The following EFCAB13 variants were observed in gnomAD, a reference collection of about 807,000 sequenced individuals.
The protein encoded by EFCAB13 is EF-hand calcium binding domain 13, also known as EF-hand calcium-binding domain-containing protein 13.
Under a neutral mutation model 110.2 loss-of-function variants are expected in EFCAB13, and 91 were observed. That is an observed-to-expected ratio of 0.83 (90% CI 0.70 to 0.98). EFCAB13 has a LOEUF of 0.98. EFCAB13 is among the 50% of genes least tolerant of loss of function. The probability of loss-of-function intolerance (pLI) is 0.00; values close to 1 mark genes in which losing one functional copy is unlikely to be tolerated. For missense variants in EFCAB13, 968 were observed against 1,119.4 expected, an observed-to-expected ratio of 0.86 and a Z score of 1.93; for synonymous variants, 323 against 369.9, an observed-to-expected ratio of 0.87 and a Z score of 1.45.
chr17:47,361,628 C>A, intron 10 of EFCAB13, 107 bp downstream of exon 10: 1 of 923,418 alleles, frequency 1.1e-6, no homozygotes, highest in Non-Finnish European at 1.5e-6. Context: ...CTCCTTTTTT[C>A]TCTTGATTCT....
At chr17:47,347,550 A>G (rs1275546176) in intron 8 of EFCAB13, among the ~76,000 whole-genome samples, 3 of 152,180 alleles carry the variant, frequency 2.0e-5, no homozygotes, top group Non-Finnish European at 4.4e-5. Flanking sequence ...TACCATTCCT[A>G]GGGCAAGTTG....
At chr17:47,327,379 G>A (rs779758692) in intron 3 of EFCAB13, among the ~76,000 whole-genome samples, 5 of 151,916 alleles carry the variant, frequency 3.3e-5, no homozygotes, top group African/African-American at 7.3e-5. Flanking sequence ...TGGCCAGGCT[G>A]GTCTTGAACT....
chr17:47,383,924 A>G (rs1253521585), intron 14 of EFCAB13, among the ~76,000 whole-genome samples: 3 of 152,158 alleles, frequency 2.0e-5, no homozygotes, highest in Non-Finnish European at 4.4e-5. Context: ...GCTGTCGACT[A>G]TTGATAGTGG....
At position 47,381,485 on chromosome 17, in the gene EFCAB13, G is replaced by C. The variant is rs570550061; in HGVS notation, c.1582+2232G>C. On this transcript the variant is annotated intron_variant, in intron 14 of 24. Transcript: ENST00000331493. ...TTCTTCTAGGGTTTTTATGGTTTTA[G>C]ATCTTACATTTAAGTATTTAATCCA... Among the ~76,000 whole-genome samples, 10 of 152,256 alleles carry C rather than the reference G, an allele frequency of 6.6e-5. No homozygotes were observed. In the South Asian group the frequency reaches 2.1e-3, roughly 32 times the overall value.
intron 5 of EFCAB13, chr17:47,339,785 A>G (rs768586569): frequency 2.0e-5 from 3 of 152,120 alleles, no homozygotes; most frequent in Non-Finnish European, 4.4e-5. Flanking sequence ...AGAAAGAAGA[A>G]TGTTGATTAA....
chr17:47,432,266 C>T (rs535427696), intron 24 of EFCAB13, among the ~76,000 whole-genome samples: 3 of 151,896 alleles, frequency 2.0e-5, no homozygotes, highest in Non-Finnish European at 2.9e-5. Context: ...GGCGTGGTGG[C>T]GGGCGCCTGT....
intron 23 of EFCAB13, among the ~76,000 whole-genome samples, chr17:47,427,279 T>C (rs972216187): frequency 6.6e-6 from 1 of 152,122 alleles, no homozygotes; most frequent in African/African-American, 2.4e-5. Context: ...TAGAAGACAA[T>C]TGGCAAATAA....
intron 14 of EFCAB13, among the ~76,000 whole-genome samples, chr17:47,386,133 T>C (rs1908841844): frequency 6.6e-6 from 1 of 152,186 alleles, no homozygotes; most frequent in Non-Finnish European, 1.5e-5. Context: ...AGGCAGTCTG[T>C]CCCTTAGCAG....
In EFCAB13 at chr17:47,379,770, A is replaced by T. The variant is rs567043295; in HGVS notation, c.1582+517A>T. The stretch of plus-strand genomic sequence containing the variant: ...AATATTTTTATACAAATGATTAAAT[A>T]TTTTTTAGCAAGATTAAAATGAGAA... On this transcript the variant is annotated intron_variant, in intron 14 of 24. Coordinates refer to ENST00000331493, the MANE Select transcript of EFCAB13 (RefSeq NM_152347.5). 9.2e-5 allele frequency among the ~76,000 whole-genome samples: 14 copies of T among 151,954 alleles called. No individual in the cohort carries two copies. The South Asian group carries it at 1.2e-3, about 14-fold the overall frequency.
Position 47,394,016 on chromosome 17 carries a change from T to C in EFCAB13, c.1727-9T>C. 1 of 1,523,674 alleles carries C rather than the reference T, an allele frequency of 6.6e-7. No individual in the cohort carries two copies. 94.4% of individuals were successfully genotyped at this position (1,523,674 alleles called of 1,614,324 possible). A position where few individuals can be genotyped will look rare whatever the true frequency, so the allele number is the denominator to read the frequency against. On this transcript the variant is annotated splice_polypyrimidine_tract_variant and intron_variant, in intron 15 of 24. Transcript: ENST00000331493. Reference sequence around the variant, plus strand: ...AGATGCCAAAAAAATGTGTTTCTTTTTCCTGTAGAAACAAAAAAAGTGAAT... The same window carrying C: ...AGATGCCAAAAAAATGTGTTTCTTTCTCCTGTAGAAACAAAAAAAGTGAAT...
chr17:47,355,508 A>T (rs1250912183), intron 9 of EFCAB13, among the ~76,000 whole-genome samples: 2 of 151,726 alleles, frequency 1.3e-5, no homozygotes, highest in South Asian at 2.1e-4. Flanking sequence ...TGCTTTGGAA[A>T]CACCGATTAT....
At chr17:47,382,286 A>G (rs578059532) in intron 14 of EFCAB13, among the ~76,000 whole-genome samples, 4 of 152,270 alleles carry the variant, frequency 2.6e-5, no homozygotes, top group South Asian at 2.1e-4. Flanking sequence ...TAGATATACA[A>G]TCATGTCATC....
chr17:47,392,458 G>C (rs1274201877), intron 15 of EFCAB13, among the ~76,000 whole-genome samples: 2 of 152,034 alleles, frequency 1.3e-5, no homozygotes, highest in African/African-American at 4.8e-5. Flanking sequence ...GTGTGTGTTG[G>C]GGGGTGGGGG....
intron 6 of EFCAB13, among the ~76,000 whole-genome samples, chr17:47,342,821 C>G (rs1276729919): frequency 2.6e-5 from 4 of 151,866 alleles, no homozygotes; most frequent in Non-Finnish European, 5.9e-5. Context: ...TCTATTCTGT[C>G]TCTCTATTTT....
At position 47,341,944 on chromosome 17, in the gene EFCAB13, G is replaced by T; in HGVS notation, c.215G>T (p.Cys72Phe). Residue 72 changes from cysteine (C) to phenylalanine (F), a missense_variant, in exon 6 of 25, where the codon TGT (cysteine) becomes TTT (phenylalanine). Coordinates refer to ENST00000331493, the MANE Select transcript of EFCAB13 (RefSeq NM_152347.5). Reference protein sequence around the residue: ...KKIFETSIIFCGEEKSSDFSG... With the variant: ...KKIFETSIIFFGEEKSSDFSG... The stretch of plus-strand genomic sequence containing the variant: ...AGATTTGAAACATCAATAATCTTTT[G>T]TGGAGAAGAAAAGTCCTCTGATTTT... 2 of 1,585,250 alleles carry T rather than the reference G, an allele frequency of 1.3e-6. No individual in the cohort carries two copies. Among genetic ancestry groups the T allele is most frequent in the Non-Finnish European group, 8.6e-7 (1 of 1,162,996 alleles).
Position 47,394,045 on chromosome 17 carries a change from A to T in EFCAB13, c.1747A>T (p.Lys583Ter), listed in dbSNP as rs2065724224. Residue 583 changes from lysine to a stop codon, truncating the protein, a stop_gained, in exon 16 of 25, where the codon AAA (lysine) becomes TAA (stop). Coordinates refer to ENST00000331493, the MANE Select transcript of EFCAB13 (RefSeq NM_152347.5). LOFTEE classifies it high-confidence loss of function. ...TGTAGAAACAAAAAAAGTGAATTTT[A>T]AAGAATTCATTGATACTATGATGAG... The part of the protein sequence containing the change: ...EAGETKKVNF[K>*]EFIDTMMSNT... 1 of 1,556,116 alleles carries T rather than the reference A, an allele frequency of 6.4e-7. No homozygotes were observed. The highest frequency in any genetic ancestry group is 8.6e-7 in the Non-Finnish European group (1 of 1,156,148).
intron 20 of EFCAB13, among the ~76,000 whole-genome samples, chr17:47,405,349 T>C (rs1192506019): frequency 6.6e-6 from 1 of 152,172 alleles, no homozygotes; most frequent in Non-Finnish European, 1.5e-5. Context: ...TGGGCCAAAG[T>C]ATTTTTAGAT....
chr17:47,326,062 A>G (rs1292797903), intron 2 of EFCAB13, among the ~76,000 whole-genome samples, 164 bp from the exon 3 acceptor site: 1 of 151,188 alleles, frequency 6.6e-6, no homozygotes, highest in Non-Finnish European at 1.5e-5. Context: ...ATGGATAGAA[A>G]GGTGAATGGA....
At chr17:47,339,403 A>G (rs961566517) in intron 5 of EFCAB13, among the ~76,000 whole-genome samples, 3 of 152,158 alleles carry the variant, frequency 2.0e-5, no homozygotes, top group Non-Finnish European at 4.4e-5. Flanking sequence ...GTTCCACCTC[A>G]GAAGATCATC....
Sources: gnomAD v4.1 joint callset for allele counts (sites outside exome capture counted in the v4.1 genomes callset) on GRCh38, gnomAD v4.1.1 for gene constraint, MANE v1.5 for transcripts, NCBI Gene and HGNC (gene_info 2026-07-23, HGNC 2026-07-21) for gene names.